The following WDR43 variants were observed in gnomAD, a reference collection of about 807,000 sequenced individuals.
The protein encoded by WDR43 is WD repeat domain 43.
WDR43 carries 13 observed loss-of-function variants against 91.4 expected under a neutral mutation model. The observed-to-expected ratio is 0.14, with a 90% CI of 0.09 to 0.23. The LOEUF (loss-of-function observed/expected upper bound fraction) is 0.23, where lower values mean the gene tolerates loss of function less well. WDR43 is among the 10% of genes least tolerant of loss of function. WDR43 has a pLI of 1.00. For missense variants in WDR43, 780 were observed against 809.4 expected, an observed-to-expected ratio of 0.96 and a Z score of 0.44; for synonymous variants, 331 against 287.9, an observed-to-expected ratio of 1.15 and a Z score of -1.51.
At chr2:28,945,939 AG>A (rs144818051) in intron 16 of WDR43, among the ~76,000 whole-genome samples, 5,753 of 152,264 alleles carry the variant, frequency 0.038, 358 homozygotes, top group African/African-American at 0.13. Context: ...TGGCCCTGAT[AG>A]GGCTTAGTAT....
At chr2:28,928,127 G>A in intron 10 of WDR43, 1 of 158,056 alleles carries the variant, frequency 6.3e-6, no homozygotes, top group Non-Finnish European at 1.4e-5. Flanking sequence ...AAGTGTTTAT[G>A]ATCTTCATTT....
At chr2:28,909,807 G>A (rs924571514) in intron 3 of WDR43, among the ~76,000 whole-genome samples, 4 of 152,194 alleles carry the variant, frequency 2.6e-5, no homozygotes, top group Non-Finnish European at 5.9e-5. Flanking sequence ...TCAGGAGATC[G>A]AGGCTGCAGC....
chr2:28,914,439 A>G (rs1670869417), intron 5 of WDR43, among the ~76,000 whole-genome samples: 2 of 152,164 alleles, frequency 1.3e-5, no homozygotes, highest in Admixed American at 1.3e-4. Flanking sequence ...TGGACTGAAC[A>G]TTTCTGTGGT....
Position 28,946,727 on chromosome 2 carries a change from A to G in WDR43, c.1982A>G (p.Glu661Gly), listed in dbSNP as rs1239100218. ...GEDRDTASEK[E>G]LNGDSDLDPE... The stretch of plus-strand genomic sequence containing the variant: ...GACAGAGATACAGCAAGTGAAAAAG[A>G]ATTAAATGGAGATTCTGATTTAGAT... Residue 661 changes from glutamate to glycine, a missense_variant, in exon 18 of 18, where the codon GAA (glutamate) becomes GGA (glycine). Transcript: ENST00000407426. 1 of 1,585,734 alleles carries G rather than the reference A, an allele frequency of 6.3e-7. No homozygotes were observed. The highest frequency in any genetic ancestry group is 8.6e-7 in the Non-Finnish European group (1 of 1,166,026).
Position 28,894,719 on chromosome 2 carries a change from T to C in WDR43, c.21T>C (p.Gly7=). 6.4e-7 allele frequency: 1 copy of C among 1,558,500 alleles called. No homozygotes were observed. The change falls in exon 1 of 18, where the codon GGT becomes GGC. Residue 7 remains glycine, a synonymous_variant. Coordinates refer to ENST00000407426, the MANE Select transcript of WDR43 (RefSeq NM_015131.3). MAAGGG[G]SCDPLAPAGV... ...CAGCAATGGCGGCGGGCGGCGGCGG[T>C]AGCTGCGACCCCCTGGCCCCTGCTG...
intron 3 of WDR43, among the ~76,000 whole-genome samples, chr2:28,912,253 A>T (rs1440027901): frequency 6.6e-6 from 1 of 152,162 alleles, no homozygotes; most frequent in African/African-American, 2.4e-5. Flanking sequence ...TTTCCTGGAC[A>T]TTCGCAAAGT....
intron 8 of WDR43, among the ~76,000 whole-genome samples, chr2:28,926,073 A>G (rs1671133999): frequency 6.6e-6 from 1 of 152,212 alleles, no homozygotes; most frequent in African/African-American, 2.4e-5. Context: ...GGAAAGGACA[A>G]TAGGAGAGTT....
intron 5 of WDR43, 120 bp from the exon 6 acceptor site, chr2:28,917,773 A>C (rs573421207): frequency 1.2e-6 from 1 of 846,056 alleles, no homozygotes; most frequent in East Asian, 2.8e-5. Flanking sequence ...CTAGTTTTCA[A>C]AAGATGACAA....
intron 11 of WDR43, among the ~76,000 whole-genome samples, chr2:28,932,561 GGTTA>G (rs1260377061): frequency 6.6e-6 from 1 of 152,176 alleles, no homozygotes; most frequent in Admixed American, 6.5e-5. Context: ...AAAAGAAAGA[GGTTA>G]GTAACATTTT....
chr2:28,897,906 G>T (rs937925419), intron 1 of WDR43, among the ~76,000 whole-genome samples: 3 of 152,208 alleles, frequency 2.0e-5, no homozygotes, highest in African/African-American at 7.2e-5. Flanking sequence ...TTTGGAGCCT[G>T]GGGGAAGAGG....
At chr2:28,922,185 A>G (rs1043718384) in intron 6 of WDR43, among the ~76,000 whole-genome samples, 2 of 152,236 alleles carry the variant, frequency 1.3e-5, no homozygotes, top group Non-Finnish European at 2.9e-5. Flanking sequence ...TTTAATTGAT[A>G]TATTACAGTT....
chr2:28,929,134 T>G (rs1671196658), intron 10 of WDR43, among the ~76,000 whole-genome samples: 1 of 152,214 alleles, frequency 6.6e-6, no homozygotes, highest in African/African-American at 2.4e-5. Context: ...TTTAAAAAAT[T>G]GTTTTGGGAA....
At chr2:28,906,611 C>G (rs773285374) in intron 3 of WDR43, 30 bp downstream of exon 3, 1 of 1,600,476 alleles carries the variant, frequency 6.2e-7, no homozygotes, top group African/African-American at 1.3e-5. Context: ...TCAGGAAATG[C>G]AATAGACGTG....
In WDR43 at chr2:28,932,115, T is replaced by C. The variant is rs574082324; in HGVS notation, c.1437+2405T>C. Among the ~76,000 whole-genome samples, 18 of 152,242 alleles carry C rather than the reference T, an allele frequency of 1.2e-4. No individual in the cohort carries two copies. In the South Asian group the frequency reaches 3.7e-3, roughly 32 times the overall value. ...TTGGTTTCAAAGTCTTGTTCTCAAG[T>C]AATCCTCCTGCCTCAGCCTCACAAA... On this transcript the variant is annotated intron_variant, in intron 11 of 17. Transcript: ENST00000407426.
chr2:28,923,862 G>T (rs1235100350), intron 7 of WDR43, among the ~76,000 whole-genome samples: 1 of 152,122 alleles, frequency 6.6e-6, no homozygotes, highest in East Asian at 1.9e-4. Flanking sequence ...GACTACCTGG[G>T]CAGTGGCAAA....
intron 1 of WDR43, among the ~76,000 whole-genome samples, chr2:28,898,235 A>T (rs1431706728): frequency 1.3e-5 from 2 of 152,242 alleles, no homozygotes; most frequent in Non-Finnish European, 1.5e-5. Context: ...AGATGACCCT[A>T]TACAGCTTAG....
chr2:28,900,041 A>G (rs991101422), intron 1 of WDR43, among the ~76,000 whole-genome samples: 4 of 152,184 alleles, frequency 2.6e-5, no homozygotes, highest in African/African-American at 9.7e-5. Context: ...AAATTTCTAA[A>G]ATTTCTTTGT....
intron 16 of WDR43, among the ~76,000 whole-genome samples, chr2:28,945,662 G>A (rs750471103): frequency 3.3e-5 from 5 of 152,170 alleles, no homozygotes; most frequent in Non-Finnish European, 7.3e-5. Flanking sequence ...TCATATTGCA[G>A]CACACTAAGA....
intron 11 of WDR43, among the ~76,000 whole-genome samples, chr2:28,930,927 C>T (rs976582758): frequency 1.3e-5 from 2 of 152,148 alleles, no homozygotes; most frequent in Admixed American, 6.5e-5. Context: ...ATCATTTTAT[C>T]CATAAATATG....
Sources: gnomAD v4.1 joint callset for allele counts (sites outside exome capture counted in the v4.1 genomes callset) on GRCh38, gnomAD v4.1.1 for gene constraint, MANE v1.5 for transcripts, NCBI Gene and HGNC (gene_info 2026-07-23, HGNC 2026-07-21) for gene names.